WDR70: variants seen among roughly 807,000 people sequenced by gnomAD.
WDR70 encodes the protein WD repeat-containing protein 70.
WDR70 carries 53 observed loss-of-function variants against 88.6 expected under a neutral mutation model. The observed-to-expected ratio is 0.60, with a 90% CI of 0.48 to 0.75. The LOEUF is 0.75. Ranked by LOEUF, WDR70 falls within the 30% of genes least tolerant of loss-of-function variation. WDR70 has a pLI of 0.00. For missense variants in WDR70, 610 were observed against 823.2 expected (o/e 0.74, Z 3.17); for synonymous variants, 280 against 270.0 (o/e 1.04, Z -0.36).
rs1433687689 is a variant in WDR70, at chr5:37,434,565, G to C, written c.493-3357G>C. On this transcript the variant is annotated intron_variant, in intron 5 of 17. Transcript: ENST00000265107. The stretch of plus-strand genomic sequence containing the variant: ...TGTTATTGGGTAGAGGTTTAATTAT[G>C]GCTTATAGTTGTATGTGACCTTAGC... Among the ~76,000 whole-genome samples, 4 of 152,168 alleles carry C rather than the reference G, an allele frequency of 2.6e-5. No individual in the cohort carries two copies. In the East Asian group the frequency reaches 5.8e-4, roughly 22 times the overall value.
At chr5:37,506,097 T>G in intron 8 of WDR70, 1 of 1,208,782 alleles carries the variant, frequency 8.3e-7, no homozygotes, top group Non-Finnish European at 1.2e-6. Flanking sequence ...ACAGTAAAGA[T>G]TTGCATGTGC....
intron 8 of WDR70, among the ~76,000 whole-genome samples, chr5:37,503,332 A>T (rs1740459720): frequency 6.6e-6 from 1 of 151,778 alleles, no homozygotes; most frequent in Non-Finnish European, 1.5e-5. Flanking sequence ...AACGTGTGTT[A>T]TGGGGATTGG....
chr5:37,547,338 T>C (rs1310585678), intron 9 of WDR70, among the ~76,000 whole-genome samples: 1 of 152,228 alleles, frequency 6.6e-6, no homozygotes, highest in Non-Finnish European at 1.5e-5. Context: ...GTTTTGACTT[T>C]GACTTTTCTG....
chr5:37,442,220 A>G (rs1053023077), intron 6 of WDR70, among the ~76,000 whole-genome samples: 5 of 151,618 alleles, frequency 3.3e-5, no homozygotes, highest in East Asian at 2.0e-4. Flanking sequence ...TATTTTTAGT[A>G]GAGATGGGGT....
chr5:37,390,432 T>C (rs6870723), intron 3 of WDR70, among the ~76,000 whole-genome samples: 19,186 of 150,426 alleles, frequency 0.13, 4,024 homozygotes, highest in African/African-American at 0.44. Context: ...CTCTGCCTCC[T>C]GGGTTCACGC....
intron 9 of WDR70, among the ~76,000 whole-genome samples, chr5:37,572,792 G>A (rs1230688678): frequency 1.3e-5 from 2 of 152,134 alleles, no homozygotes; most frequent in Non-Finnish European, 2.9e-5. Flanking sequence ...TGCAAACATA[G>A]TGATATTTTC....
At chr5:37,456,019 T>G (rs942037825) in intron 7 of WDR70, among the ~76,000 whole-genome samples, 4 of 133,638 alleles carry the variant, frequency 3.0e-5, no homozygotes, top group Non-Finnish European at 6.5e-5. Flanking sequence ...TTTGGCTTAT[T>G]TCCAGTTTTT....
intron 9 of WDR70, among the ~76,000 whole-genome samples, chr5:37,599,937 A>G (rs1275604191): frequency 2.0e-5 from 3 of 152,058 alleles, no homozygotes; most frequent in Admixed American, 1.3e-4. Flanking sequence ...TTACTTTACC[A>G]TATAAAAATT....
chr5:37,516,345 CATGTT>C (rs535762449), intron 8 of WDR70, among the ~76,000 whole-genome samples, 164 bp from the exon 9 acceptor site: 24 of 152,178 alleles, frequency 1.6e-4, no homozygotes, highest in African/African-American at 4.3e-4. Flanking sequence ...ATAAATGAAA[CATGTT>C]ATGAGAGAAA....
At chr5:37,640,874 G>A (rs1040351385) in intron 10 of WDR70, among the ~76,000 whole-genome samples, 2 of 152,180 alleles carry the variant, frequency 1.3e-5, no homozygotes, top group African/African-American at 4.8e-5. Flanking sequence ...ATAAAATTGA[G>A]GTTTGGGTAG....
chr5:37,632,242 A>G (rs1326080545), intron 10 of WDR70, among the ~76,000 whole-genome samples: 1 of 152,216 alleles, frequency 6.6e-6, no homozygotes, highest in Non-Finnish European at 1.5e-5. Context: ...AGTAGAGCAG[A>G]TACAGTTATG....
At chr5:37,678,700 A>G (rs1249283318) in intron 10 of WDR70, among the ~76,000 whole-genome samples, 3 of 152,090 alleles carry the variant, frequency 2.0e-5, no homozygotes, top group Non-Finnish European at 2.9e-5. Context: ...GAATCTGACA[A>G]TTATGTGTCT....
At chr5:37,503,168 T>G (rs1740454338) in intron 8 of WDR70, among the ~76,000 whole-genome samples, 1 of 152,198 alleles carries the variant, frequency 6.6e-6, no homozygotes, top group African/African-American at 2.4e-5. Context: ...TGGTTACATT[T>G]TTTCCTAAGT....
chr5:37,388,612 C>A (rs536401178), intron 3 of WDR70, among the ~76,000 whole-genome samples: 1 of 149,620 alleles, frequency 6.7e-6, no homozygotes, highest in African/African-American at 2.5e-5. Context: ...TGGTGACTGG[C>A]GTCTATAATC....
At chr5:37,693,516 T>C (rs1389190521) in intron 10 of WDR70, among the ~76,000 whole-genome samples, 1 of 152,078 alleles carries the variant, frequency 6.6e-6, no homozygotes, top group African/African-American at 2.4e-5. Context: ...AACAGATATA[T>C]AGACCAATGG....
chr5:37,518,207 G>A (rs753061728), intron 9 of WDR70, among the ~76,000 whole-genome samples: 26 of 151,884 alleles, frequency 1.7e-4, no homozygotes, highest in African/African-American at 4.4e-4. Context: ...GAGCCACTGC[G>A]CCCAGCCTCT....
At chr5:37,441,691 G>C (rs576479408) in intron 6 of WDR70, among the ~76,000 whole-genome samples, 10 of 152,000 alleles carry the variant, frequency 6.6e-5, no homozygotes, top group Non-Finnish European at 1.2e-4. Context: ...GGTGCTACGT[G>C]CCTGTCATCC....
At chr5:37,695,538 G>A (rs1561076830) in intron 10 of WDR70, among the ~76,000 whole-genome samples, 2 of 152,112 alleles carry the variant, frequency 1.3e-5, no homozygotes, top group Admixed American at 1.3e-4. Flanking sequence ...ATGTGCTCAG[G>A]GTCCTCTTTC....
chr5:37,480,493 G>C (rs1739629652), intron 8 of WDR70, among the ~76,000 whole-genome samples: 1 of 152,162 alleles, frequency 6.6e-6, no homozygotes, highest in African/African-American at 2.4e-5. Flanking sequence ...AAGGCAAGGA[G>C]GTGCAAAGTC....
Sources: gnomAD v4.1 joint callset for allele counts (sites outside exome capture counted in the v4.1 genomes callset) on GRCh38, gnomAD v4.1.1 for gene constraint, MANE v1.5 for transcripts, NCBI Gene and HGNC (gene_info 2026-07-23, HGNC 2026-07-21) for gene names.